SLC27A6: variants seen among roughly 807,000 people sequenced by gnomAD.
SLC27A6 encodes the protein long-chain fatty acid transport protein 6.
SLC27A6 carries 74 observed loss-of-function variants against 63.9 expected under a neutral mutation model. That is an observed-to-expected ratio of 1.16 (90% CI 0.96 to 1.40). SLC27A6 has a LOEUF of 1.40. SLC27A6 is among the 40% of genes most tolerant of loss of function. The probability of loss-of-function intolerance (pLI) is 0.00; values close to 1 mark genes in which losing one functional copy is unlikely to be tolerated. For missense variants in SLC27A6, 794 were observed against 732.9 expected, an observed-to-expected ratio of 1.08 and a Z score of -0.96; for synonymous variants, 287 against 260.8, an observed-to-expected ratio of 1.10 and a Z score of -0.97.
rs758325246 is a variant in SLC27A6 at position 128,988,708 on chromosome 5, T to C, written c.794T>C (p.Leu265Pro). Residue 265 changes from leucine (L) to proline (P), a missense_variant, in exon 3 of 10, where the codon CTG (leucine) becomes CCG (proline). Coordinates refer to ENST00000262462, the MANE Select transcript of SLC27A6 (RefSeq NM_001017372.3). ...AHDIVYITLP[L>P]YHSSAAILGI... ...GACATTGTTTATATAACCCTTCCTC[T>C]GTATCATAGTTCAGCAGCTATCCTG... The C allele has an allele frequency of 1.2e-6, 2 of 1,613,754 alleles. No individual in the cohort carries two copies. Among genetic ancestry groups the C allele is most frequent in the South Asian group, 2.2e-5 (2 of 91,036 alleles).
rs747373761 is a variant in SLC27A6, at chr5:128,966,349, C to T, written c.212C>T (p.Pro71Leu). The T allele has an allele frequency of 1.2e-6, 2 of 1,610,960 alleles. No homozygotes were observed. Among genetic ancestry groups the T allele is most frequent in the East Asian group, 2.2e-5 (1 of 44,680 alleles). The change falls in exon 1 of 10, where the codon CCT becomes CTT. Residue 71 changes from proline to leucine, a missense_variant. Transcript: ENST00000262462. ...LSHAKRQPRK[P>L]FIIYEGDIYT... The stretch of plus-strand genomic sequence containing the variant: ...CATGCCAAAAGACAACCTCGGAAAC[C>T]TTTCATCATCTATGAGGGAGACATC...
rs1403822290 is a variant in SLC27A6, at chr5:129,029,567, T to C, written c.1553-10T>C. ...ACTTAAAAATGACTCTATTTCAAAC[T>C]TTTTTTCAGGTTATGAAGGAAGAGC... On this transcript the variant is annotated splice_polypyrimidine_tract_variant and intron_variant, in intron 8 of 9. Transcript: ENST00000262462. The C allele has an allele frequency of 1.3e-6, 2 of 1,547,984 alleles. No homozygotes were observed. The highest frequency in any genetic ancestry group is 8.7e-7 in the Non-Finnish European group (1 of 1,147,608).
chr5:129,027,115 T>G lies in SLC27A6; in HGVS notation c.1256-18T>G. On this transcript the variant is annotated intron_variant, in intron 6 of 9. Coordinates refer to ENST00000262462, the MANE Select transcript of SLC27A6 (RefSeq NM_001017372.3). ...AGTTTTAATCAGATGGCTGCAAAAA[T>G]GTCGTTCTTTCTTGCAGGAGAACCT... 6.2e-7 allele frequency: 1 copy of G among 1,604,910 alleles called. No individual in the cohort carries two copies. Among genetic ancestry groups the G allele is most frequent in the Non-Finnish European group, 8.5e-7 (1 of 1,172,174 alleles).
At chr5:128,990,049 T>C (rs1750923498) in intron 3 of SLC27A6, among the ~76,000 whole-genome samples, 1 of 152,160 alleles carries the variant, frequency 6.6e-6, no homozygotes. Context: ...CTCTTATCAA[T>C]AGCCATGCTC....
At chr5:129,017,860 A>G (rs561708189) in intron 5 of SLC27A6, among the ~76,000 whole-genome samples, 8 of 152,298 alleles carry the variant, frequency 5.3e-5, no homozygotes, top group Non-Finnish European at 1.2e-4. Flanking sequence ...CCTTAATTTC[A>G]GATAGCTTTC....
intron 1 of SLC27A6, among the ~76,000 whole-genome samples, chr5:128,967,589 G>T (rs1335977967): frequency 6.6e-6 from 1 of 152,058 alleles, no homozygotes; most frequent in African/African-American, 2.4e-5. Flanking sequence ...GATCTCTAAG[G>T]TATAGAACTT....
chr5:128,985,961 A>G (rs1015296617), intron 2 of SLC27A6, among the ~76,000 whole-genome samples: 3 of 152,186 alleles, frequency 2.0e-5, no homozygotes, highest in African/African-American at 7.2e-5. Flanking sequence ...AAAATCAAGT[A>G]AATAAGCTTT....
At chr5:129,025,654 G>GTGGTGA (rs1488821609) in intron 6 of SLC27A6, among the ~76,000 whole-genome samples, 7 of 152,154 alleles carry the variant, frequency 4.6e-5, no homozygotes, top group African/African-American at 1.7e-4. Flanking sequence ...AGGTATAATT[G>GTGGTGA]TGATGATAAT....
At chr5:128,971,057 G>A (rs1228354311) in intron 1 of SLC27A6, among the ~76,000 whole-genome samples, 1 of 152,164 alleles carries the variant, frequency 6.6e-6, no homozygotes, top group Non-Finnish European at 1.5e-5. Flanking sequence ...TTTCCATGTA[G>A]TTGTGCGGTT....
Position 128,985,290 on chromosome 5 carries a change from ACTC to A in SLC27A6, c.643_645del (p.Leu215del), listed in dbSNP as rs750181353. On this transcript the variant is annotated inframe_deletion, in exon 2 of 10. Coordinates refer to ENST00000262462, the MANE Select transcript of SLC27A6 (RefSeq NM_001017372.3). ...TGCCACGCAGCCACCATGTTGTCTC[ACTC>A]CTCAAGTCTACTTGTCTTTACATTT... 2 of 1,613,774 alleles carry A rather than the reference ACTC, an allele frequency of 1.2e-6. No homozygotes were observed. Among genetic ancestry groups the A allele is most frequent in the Non-Finnish European group, 1.7e-6 (2 of 1,179,826 alleles).
intron 1 of SLC27A6, among the ~76,000 whole-genome samples, chr5:128,975,306 G>A (rs1438686727): frequency 1.3e-5 from 2 of 152,314 alleles, no homozygotes; most frequent in Admixed American, 6.5e-5. Flanking sequence ...AGCTGAGATC[G>A]TGCAACTACA....
At chr5:129,017,243 C>T (rs954982660) in intron 5 of SLC27A6, among the ~76,000 whole-genome samples, 18 of 151,990 alleles carry the variant, frequency 1.2e-4, no homozygotes, top group Non-Finnish European at 2.4e-4. Context: ...AAATTATGCT[C>T]TCTGAAAACA....
At chr5:128,990,499 G>A (rs1267031112) in intron 4 of SLC27A6, 35 bp downstream of exon 4, 1 of 1,577,786 alleles carries the variant, frequency 6.3e-7, no homozygotes, top group Non-Finnish European at 8.6e-7. Flanking sequence ...AAATATGTCA[G>A]AAAGAATAAG....
chr5:129,018,653 C>T (rs1182130558), intron 5 of SLC27A6, among the ~76,000 whole-genome samples: 1 of 151,984 alleles, frequency 6.6e-6, no homozygotes, highest in Non-Finnish European at 1.5e-5. Flanking sequence ...TGATATTGAG[C>T]CCCTTTGTGA....
intron 4 of SLC27A6, among the ~76,000 whole-genome samples, chr5:129,006,642 C>T (rs371516213): frequency 1.3e-5 from 2 of 152,142 alleles, no homozygotes; most frequent in African/African-American, 4.8e-5. Context: ...AAACCTGAAA[C>T]ATGTTACTGG....
intron 4 of SLC27A6, among the ~76,000 whole-genome samples, chr5:129,000,045 A>G (rs1360458396): frequency 5.9e-5 from 9 of 152,284 alleles, no homozygotes; most frequent in Non-Finnish European, 8.8e-5. Flanking sequence ...AGGCCTGTAT[A>G]TGTTGATCTG....
intron 4 of SLC27A6, among the ~76,000 whole-genome samples, chr5:129,012,863 G>C (rs1019590396): frequency 6.6e-6 from 1 of 151,742 alleles, no homozygotes; most frequent in African/African-American, 2.4e-5. Context: ...ACAGGATATA[G>C]TTGAGTTTTA....
intron 5 of SLC27A6, among the ~76,000 whole-genome samples, chr5:129,020,498 G>GC (rs1752040649): frequency 6.6e-6 from 1 of 152,030 alleles, no homozygotes; most frequent in Admixed American, 6.6e-5. Flanking sequence ...GGGAGTGGGG[G>GC]GGAGGAAAGG....
chr5:129,000,881 C>G (rs1751309386), intron 4 of SLC27A6, among the ~76,000 whole-genome samples: 1 of 152,172 alleles, frequency 6.6e-6, no homozygotes, highest in Non-Finnish European at 1.5e-5. Flanking sequence ...TTTCCCTCCA[C>G]TGTTCTCCCA....
Sources: allele counts gnomAD v4.1 joint callset (sites outside exome capture counted in the v4.1 genomes callset), GRCh38; gene constraint gnomAD v4.1.1; transcripts MANE v1.5; gene names NCBI Gene and HGNC (gene_info 2026-07-23, HGNC 2026-07-21).